CNTN5: variants seen among roughly 807,000 people sequenced by gnomAD.
CNTN5 encodes the protein contactin-5.
Under a neutral mutation model 129.1 loss-of-function variants are expected in CNTN5, and 77 were observed. That is an observed-to-expected ratio of 0.60 (90% CI 0.50 to 0.72). The LOEUF is 0.72. Ranked by LOEUF, CNTN5 falls within the 30% of genes least tolerant of loss-of-function variation. CNTN5 has a pLI of 0.00. For synonymous variants in CNTN5, 509 were observed against 465.6 expected (o/e 1.09, Z -1.20); for missense variants, 1,478 against 1,328.8 (o/e 1.11, Z -1.75).
intron 1 of CNTN5, among the ~76,000 whole-genome samples, chr11:99,275,795 C>T (rs4753946): frequency 0.024 from 3,672 of 151,726 alleles, 316 homozygotes; most frequent in East Asian, 0.24. Context: ...TGCAAGTGTG[C>T]AAAGCCCCTT....
intron 2 of CNTN5, among the ~76,000 whole-genome samples, chr11:99,436,395 C>T (rs1017983977): frequency 1.3e-5 from 2 of 151,224 alleles, no homozygotes; most frequent in African/African-American, 2.4e-5. Context: ...ATCATGTTAT[C>T]GTCTCTAACT....
chr11:99,791,254 T>G (rs897707656), intron 3 of CNTN5, among the ~76,000 whole-genome samples: 5 of 152,166 alleles, frequency 3.3e-5, no homozygotes, highest in African/African-American at 1.2e-4. Context: ...CTAGGTTATC[T>G]TCCAGGGTTT....
chr11:100,121,001 G>T (rs1946002281), intron 13 of CNTN5, among the ~76,000 whole-genome samples: 1 of 151,722 alleles, frequency 6.6e-6, no homozygotes, highest in South Asian at 2.1e-4. Flanking sequence ...CAGAAAGTTT[G>T]CTGAAAACCC....
intron 8 of CNTN5, among the ~76,000 whole-genome samples, chr11:99,988,133 G>A (rs1938811612): frequency 6.6e-6 from 1 of 152,224 alleles, no homozygotes. Context: ...AATGAAATAT[G>A]TTGTGAATTG....
intron 1 of CNTN5, among the ~76,000 whole-genome samples, chr11:99,229,544 G>GACAAC (rs1860878584): frequency 8.2e-6 from 1 of 122,452 alleles, no homozygotes; most frequent in African/African-American, 3.0e-5. Flanking sequence ...AAAAAAAAAG[G>GACAAC]ACACAGCAGG....
intron 2 of CNTN5, among the ~76,000 whole-genome samples, chr11:99,425,325 T>C (rs1943070757): frequency 6.6e-6 from 1 of 152,146 alleles, no homozygotes; most frequent in African/African-American, 2.4e-5. Flanking sequence ...GTTTTGGAGG[T>C]AGGGTTTCAC....
At chr11:99,328,415 A>G (rs1358266508) in intron 2 of CNTN5, among the ~76,000 whole-genome samples, 1 of 152,194 alleles carries the variant, frequency 6.6e-6, no homozygotes, top group Non-Finnish European at 1.5e-5. Context: ...TTGTTATTCA[A>G]CAACAAAATC....
intron 6 of CNTN5, among the ~76,000 whole-genome samples, chr11:99,855,096 G>A (rs139290651): frequency 6.6e-6 from 1 of 152,138 alleles, no homozygotes; most frequent in African/African-American, 2.4e-5. Context: ...ATCACTTGAG[G>A]CTAGGAGTTC....
At chr11:99,911,922 C>T (rs1231611654) in intron 6 of CNTN5, among the ~76,000 whole-genome samples, 1 of 151,856 alleles carries the variant, frequency 6.6e-6, no homozygotes, top group African/African-American at 2.4e-5. Context: ...AGCCAACTTC[C>T]AATAATTTAC....
chr11:99,829,132 T>G (rs1183653469), intron 4 of CNTN5, among the ~76,000 whole-genome samples: 1 of 152,214 alleles, frequency 6.6e-6, no homozygotes, highest in Non-Finnish European at 1.5e-5. Context: ...TTGAAGATAT[T>G]CCCTGGTGAT....
At chr11:99,966,653 A>T (rs1229934210) in intron 8 of CNTN5, among the ~76,000 whole-genome samples, 1 of 152,172 alleles carries the variant, frequency 6.6e-6, no homozygotes, top group Admixed American at 6.6e-5. Flanking sequence ...GTAGGAGTAA[A>T]ACATCTGGTC....
chr11:99,488,983 G>A (rs769599591), intron 2 of CNTN5, among the ~76,000 whole-genome samples: 3 of 151,980 alleles, frequency 2.0e-5, no homozygotes, highest in Admixed American at 6.6e-5. Context: ...ATGTGCTATC[G>A]CGTCTATCAA....
At chr11:100,041,333 C>A (rs899666112) in intron 9 of CNTN5, among the ~76,000 whole-genome samples, 4 of 152,200 alleles carry the variant, frequency 2.6e-5, no homozygotes, top group African/African-American at 9.6e-5. Flanking sequence ...GTCCAATATT[C>A]TTTAAGTCAT....
chr11:99,497,141 T>C (rs1360481676), intron 2 of CNTN5, among the ~76,000 whole-genome samples: 1 of 152,106 alleles, frequency 6.6e-6, no homozygotes, highest in Admixed American at 6.6e-5. Context: ...AAAAAAGAAG[T>C]AACTTATACC....
intron 1 of CNTN5, among the ~76,000 whole-genome samples, chr11:99,036,687 T>G (rs540873733): frequency 6.6e-6 from 1 of 152,278 alleles, no homozygotes; most frequent in Non-Finnish European, 1.5e-5. Flanking sequence ...CTCCCACTAT[T>G]AGTGTATTAC....
rs146734722 is a variant in CNTN5 at position 99,827,551 on chromosome 11, T to C, written c.277+7786T>C. 1.2e-3 allele frequency among the ~76,000 whole-genome samples: 186 copies of C among 152,314 alleles called. 1 individual carries two copies. Among genetic ancestry groups the C allele is most frequent in the African/African-American group, 4.2e-3 (175 of 41,558 alleles). The stretch of plus-strand genomic sequence containing the variant: ...TTAAAACAAGACTAGACTAAATTGT[T>C]AGAGTAAATTCCAGAAGAAACATGA... On this transcript the variant is annotated intron_variant, in intron 4 of 24. Coordinates refer to ENST00000524871, the MANE Select transcript of CNTN5 (RefSeq NM_014361.4).
At chr11:99,364,620 A>T (rs1032084082) in intron 2 of CNTN5, among the ~76,000 whole-genome samples, 9 of 152,156 alleles carry the variant, frequency 5.9e-5, no homozygotes, top group African/African-American at 1.2e-4. Context: ...ACTGTTCATA[A>T]TATCAAAGTA....
At chr11:99,256,029 T>C (rs1198260322) in intron 1 of CNTN5, among the ~76,000 whole-genome samples, 2 of 152,152 alleles carry the variant, frequency 1.3e-5, no homozygotes, top group South Asian at 2.1e-4. Flanking sequence ...GAAATATTTC[T>C]ATCATTAAAT....
At chr11:100,288,593 G>A (rs1182914047) in intron 18 of CNTN5, among the ~76,000 whole-genome samples, 3 of 151,544 alleles carry the variant, frequency 2.0e-5, no homozygotes, top group Non-Finnish European at 4.4e-5. Context: ...AGAATCTCTG[G>A]GACACATTCA....
Sources: gnomAD v4.1 joint callset for allele counts (sites outside exome capture counted in the v4.1 genomes callset) on GRCh38, gnomAD v4.1.1 for gene constraint, MANE v1.5 for transcripts, NCBI Gene and HGNC (gene_info 2026-07-23, HGNC 2026-07-21) for gene names.